Variants in NCOR1 observed in about 807,000 individuals in gnomAD.
The protein encoded by NCOR1 is protein phosphatase 1, regulatory subunit 109.
In NCOR1, 63 loss-of-function variants were observed where a neutral mutation model predicts 288.1. The ratio of observed to expected loss-of-function variants is 0.22; its 90% confidence interval spans 0.18 to 0.27. The LOEUF is 0.27. Among genes scored for constraint, NCOR1 ranks in the 10% least tolerant of loss-of-function variants. The pLI, the probability that NCOR1 is intolerant of heterozygous loss-of-function variation, is 1.00. For missense variants in NCOR1, 2,397 were observed against 3,019.2 expected (o/e 0.79, Z 4.83); for synonymous variants, 1,007 against 1,065.9 (o/e 0.94, Z 1.08).
intron 3 of NCOR1, among the ~76,000 whole-genome samples, chr17:16,185,486 C>A (rs999762443): frequency 2.0e-5 from 3 of 151,784 alleles, no homozygotes; most frequent in Non-Finnish European, 4.4e-5. Flanking sequence ...GAATTCAAGA[C>A]CAGCCTGGTC....
chr17:16,171,151 T>C (rs7207630), intron 4 of NCOR1, among the ~76,000 whole-genome samples: 7,518 of 152,224 alleles, frequency 0.049, 221 homozygotes, highest in African/African-American at 0.092. Context: ...TGTTTCCCAA[T>C]GTATACATAC....
At position 16,149,526 on chromosome 17, in the gene NCOR1, GA is replaced by G; in HGVS notation, c.843-10del. On this transcript the variant is annotated splice_polypyrimidine_tract_variant and intron_variant, in intron 8 of 45. Transcript: ENST00000268712. ...TCCTCATCACCTGGTTTCTAGAAGA[GA>G]AAAATATGGTTGCATGACATTAAGA... 3 of 1,400,022 alleles carry G rather than the reference GA, an allele frequency of 2.1e-6. No homozygotes were observed. The highest frequency in any genetic ancestry group is 2.0e-5 in the Admixed American group (1 of 49,322). The allele number at this position is 1,400,022 out of a possible 1,614,324, so 86.7% of individuals were successfully genotyped here.
chr17:16,073,566 A>C lies in NCOR1; in HGVS notation c.3674T>G (p.Ile1225Ser). The change falls in exon 28 of 46, where the codon ATT (isoleucine) becomes AGT (serine). Residue 1225 changes from isoleucine to serine, a missense_variant. Ile to Ser is a moderately radical substitution (Grantham distance 142). Transcript: ENST00000268712. ...KSGHILSYDN[I>S]KNAREGTRSP... is the part of the protein sequence containing the mutation. ...CCTAGTCCCTTCTCGGGCATTCTTAATATCTACAGAATACACAAACAAGAC... is the reference window on the plus strand; with the variant it reads ...CCTAGTCCCTTCTCGGGCATTCTTACTATCTACAGAATACACAAACAAGAC... 1 of 1,605,202 alleles carries C rather than the reference A, an allele frequency of 6.2e-7. No homozygotes were observed.
Position 16,138,197 on chromosome 17 carries a change from T to G in NCOR1, c.1368A>C (p.Pro456=), listed in dbSNP as rs1162162158. Residue 456 remains proline, a synonymous_variant, in exon 13 of 46, where the codon CCA becomes CCC. Transcript: ENST00000268712. ...ATGATGCAATTAGTCCAAAGTTTTT[T>G]GGATGCTGGATAAACCTGAGTGAAA... ...EIFKDKFIQH[P]KNFGLIASYL... 1 of 1,613,228 alleles carries G rather than the reference T, an allele frequency of 6.2e-7. No individual in the cohort carries two copies. Among genetic ancestry groups the G allele is most frequent in the East Asian group, 2.2e-5 (1 of 44,890 alleles).
intron 35 of NCOR1, 74 bp from the exon 36 acceptor site, chr17:16,062,344 G>T: frequency 7.1e-7 from 1 of 1,412,890 alleles, no homozygotes. Context: ...AATGCTTATG[G>T]ATTGTTTATT....
At chr17:16,210,381 C>T (rs1381846730) in intron 1 of NCOR1, among the ~76,000 whole-genome samples, 1 of 152,102 alleles carries the variant, frequency 6.6e-6, no homozygotes, top group Non-Finnish European at 1.5e-5. Context: ...TGAAACGCTG[C>T]CTCAAAAATA....
chr17:16,091,717 G>C (rs113103388), intron 22 of NCOR1, 146 bp downstream of exon 22: 1 of 1,472,616 alleles, frequency 6.8e-7, no homozygotes, highest in South Asian at 1.4e-5. Flanking sequence ...ATAGTTTAAG[G>C]TCAATTTAAG....
chr17:16,086,779 G>C (rs2064300080), intron 22 of NCOR1, among the ~76,000 whole-genome samples: 1 of 152,156 alleles, frequency 6.6e-6, no homozygotes, highest in Admixed American at 6.5e-5. Flanking sequence ...AAAAACAGCT[G>C]ATAACACTAC....
At position 16,105,226 on chromosome 17, in the gene NCOR1, A is replaced by T. The variant is rs190212128; in HGVS notation, c.2183-3469T>A. On this transcript the variant is annotated intron_variant, in intron 19 of 45. Coordinates refer to ENST00000268712, the MANE Select transcript of NCOR1 (RefSeq NM_006311.4). ...ATTACTTGGGCTGCTGTGGAAGAAA[A>T]AACAGAATGGACCTTGTCTCTACAC... Among the ~76,000 whole-genome samples the T allele has an allele frequency of 4.6e-5, 7 of 152,288 alleles. No individual in the cohort carries two copies. The East Asian group carries it at 1.3e-3, about 29-fold the overall frequency.
rs1244370156 is a variant in NCOR1, at chr17:16,150,799, GTATAT to G, written c.842+1142_842+1146del. Among the ~76,000 whole-genome samples the G allele has an allele frequency of 2.6e-5, 4 of 152,002 alleles. No homozygotes were observed. The East Asian group carries it at 5.8e-4, about 22-fold the overall frequency. On this transcript the variant is annotated intron_variant, in intron 8 of 45. Coordinates refer to ENST00000268712, the MANE Select transcript of NCOR1 (RefSeq NM_006311.4). ...AACAGCTAAGCAGTTCCAAAGCAAG[GTATAT>G]TATATGTGAGTTTTGACTAACTTAC...
At chr17:16,103,101 T>C (rs1465347327) in intron 19 of NCOR1, among the ~76,000 whole-genome samples, 1 of 152,220 alleles carries the variant, frequency 6.6e-6, no homozygotes. Context: ...TTGACATCTT[T>C]ACCTAGATAT....
intron 20 of NCOR1, among the ~76,000 whole-genome samples, chr17:16,100,558 G>A (rs148502280): frequency 2.0e-4 from 31 of 152,228 alleles, no homozygotes; most frequent in South Asian, 6.2e-4. Context: ...GGAGAATCAC[G>A]TGAACTCAAG....
chr17:16,134,369 A>G (rs1246675258), intron 14 of NCOR1, among the ~76,000 whole-genome samples: 1 of 152,254 alleles, frequency 6.6e-6, no homozygotes, highest in Admixed American at 6.5e-5. Context: ...CAATAACTTA[A>G]AAGCTAATGA....
At position 16,064,198 on chromosome 17, in the gene NCOR1, T is replaced by A; in HGVS notation, c.5102-11A>T. The A allele has an allele frequency of 6.2e-7, 1 of 1,609,322 alleles. No individual in the cohort carries two copies. ...GGTGTGTTGGGTGTCCTGTAAAACA[T>A]AAACCTGCAGCTTAAAGATAAAAAT... On this transcript the variant is annotated splice_polypyrimidine_tract_variant and intron_variant, in intron 34 of 45. Transcript: ENST00000268712.
chr17:16,062,257 A>G lies in NCOR1; in HGVS notation c.5235T>C (p.Pro1745=). ...CATATCCATGACTGCCAGGTCGGCC[A>G]GGCTGTTCTGAGCCTGCAGAGGTGA... ...DLYLRPGSEQ[P]GRPGSHGYVR... Residue 1745 remains proline (P), a synonymous_variant, in exon 36 of 46, where the codon CCT becomes CCC. Transcript: ENST00000268712. 3.1e-6 allele frequency: 5 copies of G among 1,607,620 alleles called. No homozygotes were observed. Among genetic ancestry groups the G allele is most frequent in the South Asian group, 2.2e-5 (2 of 89,418 alleles).
intron 21 of NCOR1, among the ~76,000 whole-genome samples, chr17:16,096,738 C>T (rs2066696967): frequency 6.6e-6 from 1 of 152,166 alleles, no homozygotes; most frequent in Non-Finnish European, 1.5e-5. Context: ...TTAGACTCAG[C>T]ATCTTCCTAC....
At chr17:16,063,232 G>A (rs1353525247) in intron 35 of NCOR1, among the ~76,000 whole-genome samples, 2 of 152,074 alleles carry the variant, frequency 1.3e-5, no homozygotes, top group East Asian at 1.9e-4. Context: ...CCAGGATGGA[G>A]TGCAGTGACA....
chr17:16,177,679 C>G (rs573912343), intron 3 of NCOR1, among the ~76,000 whole-genome samples: 16 of 152,280 alleles, frequency 1.1e-4, no homozygotes, highest in Admixed American at 8.5e-4. Flanking sequence ...CCCCCTCTAC[C>G]AGCCAGACAT....
intron 5 of NCOR1, 51 bp from the exon 6 acceptor site, chr17:16,158,924 G>A: frequency 1.5e-6 from 2 of 1,297,186 alleles, no homozygotes; most frequent in Non-Finnish European, 2.2e-6. Context: ...ACCACACCCA[G>A]CAGTGATTAA....
Sources: gnomAD v4.1 joint callset for allele counts (sites outside exome capture counted in the v4.1 genomes callset) on GRCh38, gnomAD v4.1.1 for gene constraint, MANE v1.5 for transcripts, NCBI Gene and HGNC (gene_info 2026-07-23, HGNC 2026-07-21) for gene names.